GP6: variants seen among roughly 807,000 people sequenced by gnomAD.
GP6 encodes the protein platelet glycoprotein VI.
In GP6, 45 loss-of-function variants were observed where a neutral mutation model predicts 37.3. That is an observed-to-expected ratio of 1.21 (90% confidence interval 0.95 to 1.55). The LOEUF (loss-of-function observed/expected upper bound fraction) is 1.55. Ranked by LOEUF, GP6 falls within the 40% of genes most tolerant of loss-of-function variation. The pLI, the probability that GP6 is intolerant of heterozygous loss-of-function variation, is 0.00. For synonymous variants in GP6, 340 were observed against 316.4 expected, an observed-to-expected ratio of 1.07 and a Z score of -0.79; for missense variants, 813 against 760.2, an observed-to-expected ratio of 1.07 and a Z score of -0.82.
chr19:55,025,213 C>T lies in GP6; in HGVS notation c.664+5G>A, dbSNP rs762714048. On this transcript the variant is annotated splice_donor_5th_base_variant and intron_variant, in intron 5 of 7. Transcript: ENST00000310373. Reference sequence around the variant, plus strand: ...GTGCACCAGAATGGACCCTGCAGAACCTACCTGCTACCGGGGAAGGTGGTT... The same window carrying T: ...GTGCACCAGAATGGACCCTGCAGAATCTACCTGCTACCGGGGAAGGTGGTT... 1 of 1,527,944 alleles carries T rather than the reference C, an allele frequency of 6.5e-7. No individual in the cohort carries two copies. The highest frequency in any genetic ancestry group is 1.2e-5 in the South Asian group (1 of 83,610). 94.6% of individuals were successfully genotyped at this position (1,527,944 alleles called of 1,614,324 possible).
chr19:55,031,508 ACT>A (rs1336983045), intron 3 of GP6, among the ~76,000 whole-genome samples: 1 of 152,006 alleles, frequency 6.6e-6, no homozygotes. Context: ...TTTGGCACAG[ACT>A]CTGGTATGAC....
At chr19:55,033,177 CGTGTTAGACGCGGTGGACTCCTTCGTGTT>C (rs1568642456) in intron 1 of GP6, among the ~76,000 whole-genome samples, 3 of 133,136 alleles carry the variant, frequency 2.3e-5, no homozygotes, top group Non-Finnish European at 1.6e-5. Flanking sequence ...TGGGTTCGTT[CGTGTTAGACGCGGTGGACTCCTTCGTGTT>C]GTGTTAGACA....
intron 3 of GP6, among the ~76,000 whole-genome samples, chr19:55,029,870 G>GC (rs1364677145): frequency 6.6e-6 from 1 of 151,948 alleles, no homozygotes; most frequent in African/African-American, 2.4e-5. Flanking sequence ...GTAGCAGAGA[G>GC]GAGGCCAGTG....
intron 1 of GP6, among the ~76,000 whole-genome samples, chr19:55,034,715 T>C (rs1422016954): frequency 2.0e-5 from 1 of 49,734 alleles, no homozygotes; most frequent in East Asian, 6.0e-4. Context: ...ACCCTCATTC[T>C]TACACACACA....
intron 3 of GP6, 142 bp from the exon 4 acceptor site, chr19:55,028,004 C>T: frequency 1.2e-6 from 1 of 820,452 alleles, no homozygotes; most frequent in Non-Finnish European, 2.1e-6. Context: ...CCCAAGCTCA[C>T]AGAGAGGTCG....
chr19:55,022,111 T>A (rs8100773), intron 5 of GP6, among the ~76,000 whole-genome samples: 1 of 151,478 alleles, frequency 6.6e-6, no homozygotes, highest in East Asian at 1.9e-4. Flanking sequence ...CTGTTCACTC[T>A]GATGATACTT....
chr19:55,033,495 C>A (rs375637395), intron 1 of GP6, among the ~76,000 whole-genome samples: 1 of 95,184 alleles, frequency 1.1e-5, no homozygotes, highest in African/African-American at 4.2e-5. Context: ...TGGGCTCGTT[C>A]GTGTTGTGTT....
chr19:55,036,803 G>T (rs897546018), intron 1 of GP6, among the ~76,000 whole-genome samples: 2 of 152,190 alleles, frequency 1.3e-5, no homozygotes, highest in Non-Finnish European at 2.9e-5. Flanking sequence ...CTGAAGTAAG[G>T]AGCTTGAGAC....
intron 5 of GP6, among the ~76,000 whole-genome samples, chr19:55,024,750 C>T (rs955607882): frequency 9.9e-5 from 15 of 152,190 alleles, no homozygotes; most frequent in African/African-American, 3.6e-4. Context: ...CCTACTGAAG[C>T]AGAAGCCCTG....
At chr19:55,036,073 T>TAAA (rs34534412) in intron 1 of GP6, among the ~76,000 whole-genome samples, 2 of 135,164 alleles carry the variant, frequency 1.5e-5, no homozygotes, top group African/African-American at 2.8e-5. Context: ...ATTCCGTCTT[T>TAAA]AAAAAAAAAA....
chr19:55,027,577 C>G lies in GP6; in HGVS notation c.610+1G>C, dbSNP rs755444298. 6.2e-7 allele frequency: 1 copy of G among 1,612,308 alleles called. No individual in the cohort carries two copies. Among genetic ancestry groups the G allele is most frequent in the East Asian group, 2.2e-5 (1 of 44,866 alleles). On this transcript the variant is annotated splice_donor_variant, in intron 4 of 7. Coordinates refer to ENST00000310373, the MANE Select transcript of GP6 (RefSeq NM_001083899.2). LOFTEE classifies it high-confidence loss of function. Reference sequence around the variant, plus strand: ...AAAGGTTTGGTCTGCACTACCCCTACCTGTGACCACAAGCTCCAGGGGGTC... The same window carrying G: ...AAAGGTTTGGTCTGCACTACCCCTAGCTGTGACCACAAGCTCCAGGGGGTC...
chr19:55,025,429 G>C (rs1345743226), intron 4 of GP6, among the ~76,000 whole-genome samples, 158 bp from the exon 5 acceptor site: 1 of 152,192 alleles, frequency 6.6e-6, no homozygotes, highest in Non-Finnish European at 1.5e-5. Flanking sequence ...ATTTGAGCTG[G>C]GTGCAGTGCC....
At chr19:55,026,017 AAAAAAGC>A (rs1481267410) in intron 4 of GP6, among the ~76,000 whole-genome samples, 17 of 149,660 alleles carry the variant, frequency 1.1e-4, no homozygotes, top group South Asian at 2.1e-4. Flanking sequence ...AAAAAAAAAA[AAAAAAGC>A]AGCAGCATTT....
In GP6 at chr19:55,027,652, C is replaced by A; in HGVS notation, c.536G>T (p.Arg179Leu). ...GTCCCTGCTGGAGAAGCTGTAGCAT[C>A]GGTAGGTTCCGCTGTGGGCGGCGGT... The change falls in exon 4 of 8, where the codon CGA becomes CTA. Residue 179 changes from arginine (R) to leucine (L), a missense_variant. Coordinates refer to ENST00000310373, the MANE Select transcript of GP6 (RefSeq NM_001083899.2). 6.2e-7 allele frequency: 1 copy of A among 1,612,646 alleles called. No individual in the cohort carries two copies. Among genetic ancestry groups the A allele is most frequent in the Middle Eastern group, 1.7e-4 (1 of 6,060 alleles).
At chr19:55,020,133 C>A (rs1197977691) in intron 5 of GP6, among the ~76,000 whole-genome samples, 1 of 151,338 alleles carries the variant, frequency 6.6e-6, no homozygotes, top group Non-Finnish European at 1.5e-5. Flanking sequence ...GCTCAGCTCT[C>A]GGTGGCATAA....
chr19:55,015,215 AC>A (rs1242731477), intron 7 of GP6, 50 bp from the exon 8 acceptor site: 25 of 1,548,170 alleles, frequency 1.6e-5, no homozygotes, highest in Middle Eastern at 2.0e-4. Flanking sequence ...CACCTCCAGG[AC>A]CCCCTCCAAG....
intron 5 of GP6, among the ~76,000 whole-genome samples, chr19:55,021,834 A>C (rs2146758825): frequency 6.6e-6 from 1 of 152,170 alleles, no homozygotes; most frequent in South Asian, 2.1e-4. Context: ...TTGACTTTTT[A>C]ATAATCGCCA....
intron 5 of GP6, among the ~76,000 whole-genome samples, chr19:55,021,501 T>C (rs1353949971): frequency 1.3e-5 from 2 of 150,984 alleles, no homozygotes; most frequent in African/African-American, 2.4e-5. Context: ...CAGCACCTGT[T>C]GTTTCTTGAC....
chr19:55,028,700 A>G (rs1005008322), intron 3 of GP6, among the ~76,000 whole-genome samples: 3 of 152,246 alleles, frequency 2.0e-5, no homozygotes, highest in Non-Finnish European at 4.4e-5. Context: ...GTCCAAGATC[A>G]TAAGTGGCAG....
Sources: gnomAD v4.1 joint callset for allele counts (sites outside exome capture counted in the v4.1 genomes callset) on GRCh38, gnomAD v4.1.1 for gene constraint, MANE v1.5 for transcripts, NCBI Gene and HGNC (gene_info 2026-07-23, HGNC 2026-07-21) for gene names.